The following NTM variants were observed in gnomAD, a reference collection of about 807,000 sequenced individuals.
NTM encodes the protein IgLON family member 2.
Under a neutral mutation model 42.1 loss-of-function variants are expected in NTM, and 13 were observed. That is an observed-to-expected ratio of 0.31 (90% CI 0.20 to 0.49). NTM has a LOEUF of 0.49. Among genes scored for constraint, NTM ranks in the 20% least tolerant of loss-of-function variants. The pLI is 0.99. For synonymous variants in NTM, 187 were observed against 179.2 expected (o/e 1.04, Z -0.35); for missense variants, 373 against 452.8 (o/e 0.82, Z 1.60).
rs2077607698 is a variant in NTM, at chr11:131,715,556, AATC to A, written c.83-196003_83-196001del. Among the ~76,000 whole-genome samples, 3 of 152,356 alleles carry A rather than the reference AATC, an allele frequency of 2.0e-5. No homozygotes were observed. In the East Asian group the frequency reaches 5.8e-4, roughly 29 times the overall value. ...TTTGACATTTCGTGCACATTTGTGC[AATC>A]ATCACAATGATCATAGTGAACGTAT... On this transcript the variant is annotated intron_variant, in intron 1 of 8. Coordinates refer to ENST00000683400, the MANE Select transcript of NTM (RefSeq NM_001352005.2).
intron 1 of NTM, among the ~76,000 whole-genome samples, chr11:131,815,311 C>T (rs2092907264): frequency 1.3e-5 from 2 of 152,128 alleles, no homozygotes; most frequent in African/African-American, 2.4e-5. Flanking sequence ...CCACCGTGCC[C>T]GCCTCAGCTC....
At chr11:132,245,295 C>G (rs897536918) in intron 4 of NTM, among the ~76,000 whole-genome samples, 2 of 152,052 alleles carry the variant, frequency 1.3e-5, no homozygotes, top group East Asian at 1.9e-4. Context: ...ATAATGGAGA[C>G]TGTGCACCTC....
intron 4 of NTM, among the ~76,000 whole-genome samples, chr11:132,224,857 C>T (rs376928837): frequency 7.2e-4 from 109 of 152,274 alleles, no homozygotes; most frequent in Admixed American, 1.0e-3. Flanking sequence ...CTGGGAAAGA[C>T]GACCAGGTTT....
intron 1 of NTM, among the ~76,000 whole-genome samples, chr11:131,652,855 G>A (rs1179183303): frequency 6.6e-6 from 1 of 152,226 alleles, no homozygotes; most frequent in East Asian, 1.9e-4. Flanking sequence ...AGTACGCCCT[G>A]GCACAGGTGG....
chr11:131,494,742 A>G (rs1164464022), intron 1 of NTM, among the ~76,000 whole-genome samples: 1 of 152,230 alleles, frequency 6.6e-6, no homozygotes, highest in African/African-American at 2.4e-5. Context: ...TTTGCTAGCC[A>G]ACTTGACCTG....
At chr11:132,004,100 T>C (rs2070123802) in intron 2 of NTM, among the ~76,000 whole-genome samples, 2 of 152,090 alleles carry the variant, frequency 1.3e-5, no homozygotes, top group East Asian at 1.9e-4. Flanking sequence ...AAGGGAATTA[T>C]AGGGGAGGGA....
chr11:131,575,129 A>G (rs1240114413), intron 1 of NTM, among the ~76,000 whole-genome samples: 1 of 152,188 alleles, frequency 6.6e-6, no homozygotes, highest in Non-Finnish European at 1.5e-5. Context: ...ATAATTCGCC[A>G]GTTTAGGAAA....
chr11:131,423,914 C>T (rs1947790570), intron 1 of NTM, among the ~76,000 whole-genome samples: 1 of 152,204 alleles, frequency 6.6e-6, no homozygotes, highest in Admixed American at 6.5e-5. Flanking sequence ...GCACACATTG[C>T]TCATAAGTAG....
chr11:131,917,613 TTC>T (rs2056597694), intron 2 of NTM, among the ~76,000 whole-genome samples: 2 of 152,318 alleles, frequency 1.3e-5, no homozygotes, highest in South Asian at 4.1e-4. Context: ...TGCTCATCCT[TTC>T]TCTCTGTTTG....
intron 1 of NTM, among the ~76,000 whole-genome samples, chr11:131,675,342 A>C (rs1425010192): frequency 1.3e-5 from 2 of 152,218 alleles, no homozygotes; most frequent in African/African-American, 4.8e-5. Flanking sequence ...ACTGGCTAGG[A>C]TATGATTTCA....
chr11:131,645,938 C>T (rs1416086653), intron 1 of NTM, among the ~76,000 whole-genome samples: 1 of 152,170 alleles, frequency 6.6e-6, no homozygotes, highest in Non-Finnish European at 1.5e-5. Context: ...CAAGGCTTTG[C>T]GTCTAACCAA....
intron 2 of NTM, among the ~76,000 whole-genome samples, chr11:131,977,022 A>C (rs1481974245): frequency 6.6e-6 from 1 of 151,956 alleles, no homozygotes; most frequent in East Asian, 1.9e-4. Flanking sequence ...CAGCCCCACC[A>C]GTCCTAGATG....
intron 3 of NTM, among the ~76,000 whole-genome samples, chr11:132,193,985 A>G (rs1299408066): frequency 6.6e-6 from 1 of 152,168 alleles, no homozygotes. Context: ...AAGCCTACTG[A>G]CCAAACAAAG....
intron 1 of NTM, among the ~76,000 whole-genome samples, chr11:131,637,340 T>A (rs2064532952): frequency 1.3e-5 from 2 of 151,920 alleles, no homozygotes; most frequent in South Asian, 4.1e-4. Flanking sequence ...GGCAGTACTC[T>A]TTAAGGAATG....
intron 4 of NTM, among the ~76,000 whole-genome samples, chr11:132,240,108 TA>T (rs1208938447): frequency 6.6e-6 from 1 of 151,788 alleles, no homozygotes; most frequent in Non-Finnish European, 1.5e-5. Context: ...AACATTTGCT[TA>T]GCATCTGCTA....
chr11:131,793,560 CTA>C (rs2091211351), intron 1 of NTM, among the ~76,000 whole-genome samples: 1 of 152,174 alleles, frequency 6.6e-6, no homozygotes, highest in South Asian at 2.1e-4. Flanking sequence ...GCCATAGCAC[CTA>C]TGTGTTTCCA....
At chr11:132,249,520 A>C (rs2139355835) in intron 4 of NTM, among the ~76,000 whole-genome samples, 1 of 152,336 alleles carries the variant, frequency 6.6e-6, no homozygotes. Context: ...GACTGGCGGC[A>C]GGAGGAAATT....
At chr11:131,702,944 AT>A (rs1037996969) in intron 1 of NTM, among the ~76,000 whole-genome samples, 1 of 152,186 alleles carries the variant, frequency 6.6e-6, no homozygotes, top group South Asian at 2.1e-4. Context: ...ACAATATAGG[AT>A]TTTTTTGTAT....
chr11:132,153,090 C>T (rs898782830), intron 3 of NTM, among the ~76,000 whole-genome samples: 1 of 152,216 alleles, frequency 6.6e-6, no homozygotes, highest in Non-Finnish European at 1.5e-5. Flanking sequence ...AGTTAGGGCT[C>T]CCATGGGAAA....
Sources: allele counts gnomAD v4.1 joint callset (sites outside exome capture counted in the v4.1 genomes callset), GRCh38; gene constraint gnomAD v4.1.1; transcripts MANE v1.5; gene names NCBI Gene and HGNC (gene_info 2026-07-23, HGNC 2026-07-21).